CLASP1: variants seen among roughly 807,000 people sequenced by gnomAD.
CLASP1 encodes the protein CLIP-associating protein 1.
A neutral mutation model predicts 192.3 loss-of-function variants in CLASP1; 38 were observed. The ratio of observed to expected loss-of-function variants is 0.20; its 90% CI spans 0.15 to 0.26. The LOEUF (loss-of-function observed/expected upper bound fraction) is 0.26. Ranked by LOEUF, CLASP1 falls within the 10% of genes least tolerant of loss-of-function variation. The pLI, the probability that CLASP1 is intolerant of heterozygous loss-of-function variation, is 1.00. For synonymous variants in CLASP1, 691 were observed against 712.8 expected (o/e 0.97, Z 0.49); for missense variants, 1,433 against 1,932.5 (o/e 0.74, Z 4.85).
At position 121,358,797 on chromosome 2, in the gene CLASP1, A is replaced by C. The variant is rs147693665; in HGVS notation, c.4206+4375T>G. ...TATTTATCTAAGAATCAAACTTCCCAAAACAAGCCAAACCACTTGAAGCTG... is the reference window on the plus strand; with the variant it reads ...TATTTATCTAAGAATCAAACTTCCCCAAACAAGCCAAACCACTTGAAGCTG... On this transcript the variant is annotated intron_variant, in intron 37 of 39. Transcript: ENST00000263710. Among the ~76,000 whole-genome samples, 691 of 152,370 alleles carry C rather than the reference A, an allele frequency of 4.5e-3. 7 individuals carry two copies. The highest frequency in any genetic ancestry group is 0.016 in the African/African-American group (666 of 41,592).
At chr2:121,474,767 T>C (rs2091388417) in intron 8 of CLASP1, among the ~76,000 whole-genome samples, 1 of 152,144 alleles carries the variant, frequency 6.6e-6, no homozygotes, top group Non-Finnish European at 1.5e-5. Context: ...AAGGGCATAC[T>C]GAGCAGCCAA....
At chr2:121,555,399 TA>T (rs770898849) in intron 2 of CLASP1, among the ~76,000 whole-genome samples, 1 of 152,216 alleles carries the variant, frequency 6.6e-6, no homozygotes, top group Non-Finnish European at 1.5e-5. Context: ...CTCTGATTTT[TA>T]AAAGCATCTA....
chr2:121,508,773 G>A (rs2150301329), intron 7 of CLASP1, among the ~76,000 whole-genome samples: 1 of 152,216 alleles, frequency 6.6e-6, no homozygotes, highest in Non-Finnish European at 1.5e-5. Flanking sequence ...GTCACAAAGT[G>A]GTTGAAAAGT....
chr2:121,516,230 A>G (rs995584112), intron 6 of CLASP1, among the ~76,000 whole-genome samples: 1 of 152,334 alleles, frequency 6.6e-6, no homozygotes, highest in Admixed American at 6.5e-5. Flanking sequence ...TAGTCCTAAG[A>G]AGGAGATTTT....
chr2:121,475,116 A>G (rs1275209680), intron 8 of CLASP1, among the ~76,000 whole-genome samples: 13 of 152,322 alleles, frequency 8.5e-5, no homozygotes, highest in Middle Eastern at 3.4e-3. Flanking sequence ...CAATTTTTCA[A>G]TGATCTGTGA....
chr2:121,616,860 T>C (rs2066552321), intron 1 of CLASP1, among the ~76,000 whole-genome samples: 1 of 152,202 alleles, frequency 6.6e-6, no homozygotes, highest in Non-Finnish European at 1.5e-5. Flanking sequence ...CTATGCTAAC[T>C]ACTAAAAATC....
chr2:121,531,052 T>C lies in CLASP1; in HGVS notation c.196-727A>G, dbSNP rs765002625. 35 of 697,458 alleles carry C rather than the reference T, an allele frequency of 5.0e-5. No homozygotes were observed. The East Asian group carries it at 5.4e-4, about 11-fold the overall frequency. The allele number at this position is 697,458 out of a possible 1,614,324, so 43.2% of individuals were successfully genotyped here. A position where few individuals can be genotyped will look rare whatever the true frequency, so the allele number is the denominator to read the frequency against. On this transcript the variant is annotated intron_variant, in intron 2 of 39. Transcript: ENST00000263710. The stretch of plus-strand genomic sequence containing the variant: ...GACTTATCAGTTCAAACAGCAGTAA[T>C]TCGTAAATAAACTAGTACTTTGTGG...
intron 39 of CLASP1, 106 bp from the exon 41 acceptor site, chr2:121,341,053 G>C (rs2062721457): frequency 1.4e-6 from 1 of 736,374 alleles, no homozygotes; most frequent in African/African-American, 1.8e-5. Context: ...AAGTCCCTTA[G>C]TTCCCTTGGT....
At chr2:121,622,892 A>G (rs2067623625) in intron 1 of CLASP1, among the ~76,000 whole-genome samples, 1 of 152,032 alleles carries the variant, frequency 6.6e-6, no homozygotes, top group South Asian at 2.1e-4. Context: ...CCCGGCTAGA[A>G]CCTCCAATAC....
chr2:121,480,294 C>A (rs1222606347), intron 8 of CLASP1, among the ~76,000 whole-genome samples: 1 of 152,212 alleles, frequency 6.6e-6, no homozygotes, highest in Non-Finnish European at 1.5e-5. Flanking sequence ...TCCACAGATG[C>A]CTGCTCCTTA....
At chr2:121,530,941 T>A in intron 2 of CLASP1, 2 of 700,438 alleles carry the variant, frequency 2.9e-6, no homozygotes, top group Non-Finnish European at 5.2e-6. Flanking sequence ...GCAGTACTGC[T>A]AACGCCTGAA....
At chr2:121,614,602 C>T (rs1305564114) in intron 1 of CLASP1, among the ~76,000 whole-genome samples, 1 of 152,170 alleles carries the variant, frequency 6.6e-6, no homozygotes, top group African/African-American at 2.4e-5. Flanking sequence ...CAATCTAACA[C>T]GTATGTACTC....
intron 8 of CLASP1, among the ~76,000 whole-genome samples, chr2:121,500,662 T>C (rs1386090916): frequency 6.6e-6 from 1 of 152,238 alleles, no homozygotes; most frequent in East Asian, 1.9e-4. Flanking sequence ...TACTGGTCTC[T>C]CAAATTTACT....
In CLASP1 at chr2:121,606,054, G is replaced by A. The variant is rs191588174; in HGVS notation, c.-159C>T. 6 of 616,512 alleles carry A rather than the reference G, an allele frequency of 9.7e-6. No individual in the cohort carries two copies. In the Admixed American group the frequency reaches 1.2e-4, roughly 12 times the overall value. The allele number at this position is 616,512 out of a possible 1,614,324, so 38.2% of individuals were successfully genotyped here. A position where few individuals can be genotyped will look rare whatever the true frequency, so the allele number is the denominator to read the frequency against. On this transcript the variant is annotated 5_prime_UTR_variant, in exon 2 of 40. Coordinates refer to ENST00000263710, the Ensembl canonical transcript of CLASP1. Reference sequence around the variant, plus strand: ...GGGGAATGGCAACAATGCACCATGTGTGTCTGAAGAGCAGCTGGTAGGATA... The same window carrying A: ...GGGGAATGGCAACAATGCACCATGTATGTCTGAAGAGCAGCTGGTAGGATA...
At chr2:121,627,582 C>A (rs760137228) in intron 1 of CLASP1, among the ~76,000 whole-genome samples, 22 of 152,202 alleles carry the variant, frequency 1.4e-4, no homozygotes, top group Admixed American at 6.5e-5. Context: ...AAAGCTACAC[C>A]TTAGGTGTAC....
At chr2:121,458,469 A>G (rs2087157174) in intron 13 of CLASP1, among the ~76,000 whole-genome samples, 1 of 152,242 alleles carries the variant, frequency 6.6e-6, no homozygotes, top group Admixed American at 6.5e-5. Flanking sequence ...GTAAAACCAC[A>G]AGCACCAATA....
At chr2:121,355,011 T>C (rs779046650) in intron 37 of CLASP1, among the ~76,000 whole-genome samples, 10 of 152,118 alleles carry the variant, frequency 6.6e-5, no homozygotes, top group Non-Finnish European at 1.2e-4. Context: ...TAAAGTGAAT[T>C]ATCCTACAGA....
intron 1 of CLASP1, among the ~76,000 whole-genome samples, chr2:121,621,721 T>G (rs1192219842): frequency 6.6e-6 from 1 of 152,388 alleles, no homozygotes; most frequent in Non-Finnish European, 1.5e-5. Flanking sequence ...AACTTTGTAG[T>G]AAGTTATGAA....
intron 1 of CLASP1, among the ~76,000 whole-genome samples, chr2:121,635,636 G>C (rs1326631795): frequency 2.0e-5 from 3 of 152,128 alleles, no homozygotes; most frequent in Non-Finnish European, 4.4e-5. Context: ...GAGTGTGATG[G>C]AGGGAAATAT....
Sources: gnomAD v4.1 joint callset for allele counts (sites outside exome capture counted in the v4.1 genomes callset) on GRCh38, gnomAD v4.1.1 for gene constraint, MANE v1.5 for transcripts, NCBI Gene and HGNC (gene_info 2026-07-23, HGNC 2026-07-21) for gene names.